Variants in FRMD4B observed in about 807,000 individuals in gnomAD.
The protein encoded by FRMD4B is FERM domain containing 4B, also known as FERM domain-containing protein 4B.
In FRMD4B, 74 loss-of-function variants were observed where a neutral mutation model predicts 141.5. The ratio of observed to expected loss-of-function variants is 0.52; its 90% confidence interval spans 0.43 to 0.63. FRMD4B has a LOEUF of 0.63. FRMD4B is among the 30% of genes least tolerant of loss of function. The pLI is 0.00. For synonymous variants in FRMD4B, 506 were observed against 467.9 expected (o/e 1.08, Z -1.05); for missense variants, 1,366 against 1,253.4 (o/e 1.09, Z -1.36).
chr3:69,410,700 GAAATATAT>G (rs1462709384), intron 2 of FRMD4B, among the ~76,000 whole-genome samples: 3 of 126,710 alleles, frequency 2.4e-5, no homozygotes, highest in African/African-American at 5.8e-5. Context: ...GGGAAAAAAA[GAAATATAT>G]AAATAAATAA....
At chr3:69,340,636 C>G (rs573821945) in intron 1 of FRMD4B, among the ~76,000 whole-genome samples, 2 of 152,308 alleles carry the variant, frequency 1.3e-5, no homozygotes, top group South Asian at 2.1e-4. Context: ...TCCTTGATAC[C>G]TGGTTTCCTG....
chr3:69,316,988 T>G (rs968315098), intron 1 of FRMD4B, among the ~76,000 whole-genome samples: 3 of 152,152 alleles, frequency 2.0e-5, no homozygotes, highest in Admixed American at 6.5e-5. Context: ...CCAGGCGTGG[T>G]GGCAGTTGCC....
At chr3:69,354,279 A>C (rs17005629) in intron 1 of FRMD4B, among the ~76,000 whole-genome samples, 3,611 of 152,328 alleles carry the variant, frequency 0.024, 146 homozygotes, top group African/African-American at 0.081. Flanking sequence ...AAATAATCAA[A>C]ATACATTATG....
At chr3:69,299,956 C>T (rs768469914) in intron 4 of FRMD4B, among the ~76,000 whole-genome samples, 1 of 152,062 alleles carries the variant, frequency 6.6e-6, no homozygotes, top group Non-Finnish European at 1.5e-5. Flanking sequence ...CTAAAATGAG[C>T]GAACATCAAG....
intron 7 of FRMD4B, among the ~76,000 whole-genome samples, chr3:69,233,067 T>C (rs1559738918): frequency 1.3e-5 from 2 of 151,886 alleles, no homozygotes; most frequent in Non-Finnish European, 2.9e-5. Context: ...TTCACTTTTC[T>C]TCTCCAAGCA....
At chr3:69,390,114 A>G (rs572831806), upstream of FRMD4B, among the ~76,000 whole-genome samples, 2 of 152,300 alleles carry the variant, frequency 1.3e-5, no homozygotes, top group Admixed American at 6.5e-5. Flanking sequence ...CCTTTGAGGA[A>G]CTGGCAGGAA....
intron 1 of FRMD4B, among the ~76,000 whole-genome samples, chr3:69,492,831 T>C (rs1340164223): frequency 1.3e-5 from 2 of 152,224 alleles, no homozygotes; most frequent in Non-Finnish European, 2.9e-5. Context: ...GCTTTCTAAA[T>C]AGACCTCTAC....
chr3:69,287,583 G>A (rs368250921), intron 5 of FRMD4B, 169 bp downstream of exon 5: 2 of 567,376 alleles, frequency 3.5e-6, no homozygotes, highest in Admixed American at 6.5e-5. Context: ...TTTGAGAAAA[G>A]ATACCATTTG....
At chr3:69,325,179 G>A (rs1702153941) in intron 1 of FRMD4B, among the ~76,000 whole-genome samples, 1 of 152,190 alleles carries the variant, frequency 6.6e-6, no homozygotes, top group Non-Finnish European at 1.5e-5. Context: ...TCTTGGTCAA[G>A]TGGCTCCCAG....
rs147335835 is a variant in FRMD4B, at chr3:69,374,758, T to C, written c.162+11070A>G. ...AGGCTAGTGCTGCCTCATAAAATCC[T>C]GTGCCATAAAACCATGTGCCCACAG... is the stretch of plus-strand genomic sequence containing the variant. On this transcript the variant is annotated intron_variant, in intron 1 of 22. Coordinates refer to ENST00000398540, the MANE Select transcript of FRMD4B (RefSeq NM_015123.3). Among the ~76,000 whole-genome samples, 1,120 of 152,334 alleles carry C rather than the reference T, an allele frequency of 7.4e-3. 19 individuals carry two copies. Among genetic ancestry groups the C allele is most frequent in the African/African-American group, 0.025 (1,028 of 41,570 alleles).
intron 1 of FRMD4B, chr3:69,353,800 T>C (rs1703234212): frequency 1.6e-6 from 1 of 623,828 alleles, no homozygotes; most frequent in Non-Finnish European, 2.0e-6. Flanking sequence ...AGCCTTTCAA[T>C]ATGAGTCACG....
At chr3:69,488,828 G>A (rs1333894818) in intron 1 of FRMD4B, among the ~76,000 whole-genome samples, 1 of 144,172 alleles carries the variant, frequency 6.9e-6, no homozygotes, top group African/African-American at 2.6e-5. Flanking sequence ...AGAAGGCAGA[G>A]GTTGCAGTGA....
intron 1 of FRMD4B, among the ~76,000 whole-genome samples, chr3:69,373,687 A>G (rs956399427): frequency 3.9e-5 from 6 of 152,128 alleles, no homozygotes; most frequent in African/African-American, 1.4e-4. Context: ...AGCCTGGGCA[A>G]CAACAAGATC....
intron 2 of FRMD4B, among the ~76,000 whole-genome samples, chr3:69,416,034 TAA>T (rs1009957616): frequency 6.6e-6 from 1 of 152,220 alleles, no homozygotes; most frequent in African/African-American, 2.4e-5. Context: ...GATTAAATAT[TAA>T]AAGTTTTATA....
At chr3:69,478,141 C>G (rs899403604) in intron 1 of FRMD4B, among the ~76,000 whole-genome samples, 1 of 152,060 alleles carries the variant, frequency 6.6e-6, no homozygotes, top group Non-Finnish European at 1.5e-5. Context: ...TCTGTTGATC[C>G]TTTCAAAAAA....
chr3:69,247,945 G>T (rs2093435543), intron 7 of FRMD4B, among the ~76,000 whole-genome samples: 1 of 152,082 alleles, frequency 6.6e-6, no homozygotes, highest in Middle Eastern at 3.4e-3. Context: ...CACCGTGCCC[G>T]GCCACCCAGC....
At chr3:69,314,001 T>C (rs1472472024) in intron 1 of FRMD4B, among the ~76,000 whole-genome samples, 3 of 144,786 alleles carry the variant, frequency 2.1e-5, no homozygotes, top group Admixed American at 6.9e-5. Context: ...TAGCCGGGCG[T>C]GGTAGCGGGC....
intron 1 of FRMD4B, among the ~76,000 whole-genome samples, chr3:69,464,165 T>C (rs146641942): frequency 2.0e-5 from 3 of 152,360 alleles, no homozygotes; most frequent in East Asian, 3.9e-4. Flanking sequence ...TCTGAATAAA[T>C]GATCAACTGA....
chr3:69,280,477 A>G (rs183816686), intron 5 of FRMD4B, among the ~76,000 whole-genome samples: 5 of 152,276 alleles, frequency 3.3e-5, no homozygotes, highest in Admixed American at 1.3e-4. Flanking sequence ...CCAGCCCATA[A>G]AAGTCATCTG....
Sources: gnomAD v4.1 joint callset for allele counts (sites outside exome capture counted in the v4.1 genomes callset) on GRCh38, gnomAD v4.1.1 for gene constraint, MANE v1.5 for transcripts, NCBI Gene and HGNC (gene_info 2026-07-23, HGNC 2026-07-21) for gene names.